Variants in TP63 observed in about 807,000 individuals in gnomAD.
The protein encoded by TP63 is tumor protein p63.
TP63 carries 17 observed loss-of-function variants against 82.8 expected under a neutral mutation model. The observed-to-expected ratio is 0.21, with a 90% CI of 0.14 to 0.31. The LOEUF (loss-of-function observed/expected upper bound fraction) is 0.31, where lower values mean the gene tolerates loss of function less well. TP63 is among the 10% of genes least tolerant of loss of function. TP63 has a pLI of 1.00. For synonymous variants in TP63, 330 were observed against 321.7 expected (o/e 1.03, Z -0.28); for missense variants, 648 against 895.3 (o/e 0.72, Z 3.52).
chr3:189,697,231 C>CA (rs150520212), intron 1 of TP63, among the ~76,000 whole-genome samples: 81,149 of 126,034 alleles, frequency 0.64, 25,550 homozygotes, highest in East Asian at 0.81. Flanking sequence ...TGTCTAGGTT[C>CA]AGTTTTTTTT....
Position 189,784,685 on chromosome 3 carries a change from G to A in TP63, c.325-23587G>A, listed in dbSNP as rs141715924. ...AACTGTAAGATTTACGACAGAACTCGTCTCCCTTTCTATGCCTATGAGACT... is the reference window on the plus strand; with the variant it reads ...AACTGTAAGATTTACGACAGAACTCATCTCCCTTTCTATGCCTATGAGACT... On this transcript the variant is annotated intron_variant, in intron 3 of 13. Transcript: ENST00000264731. 2.2e-4 allele frequency among the ~76,000 whole-genome samples: 33 copies of A among 152,084 alleles called. No individual in the cohort carries two copies. In the East Asian group the frequency reaches 3.3e-3, roughly 15 times the overall value.
chr3:189,600,149 AC>A, the TP63 span, among the ~76,000 whole-genome samples: 1 of 152,142 alleles, frequency 6.6e-6, no homozygotes, highest in African/African-American at 2.4e-5. Context: ...AGCATCACCA[AC>A]CCCCAGAAGA....
At chr3:189,744,002 A>G (rs1260845977) in intron 3 of TP63, among the ~76,000 whole-genome samples, 4 of 152,126 alleles carry the variant, frequency 2.6e-5, no homozygotes, top group African/African-American at 7.2e-5. Flanking sequence ...ACAAACCTCT[A>G]AGTCCTAAGC....
chr3:189,768,203 T>A (rs1177426890), intron 3 of TP63, among the ~76,000 whole-genome samples: 2 of 152,170 alleles, frequency 1.3e-5, no homozygotes, highest in Non-Finnish European at 1.5e-5. Flanking sequence ...TGGTGAAAAC[T>A]AATTGAGATA....
At chr3:189,834,316 C>G (rs933863879) in intron 4 of TP63, among the ~76,000 whole-genome samples, 1 of 152,138 alleles carries the variant, frequency 6.6e-6, no homozygotes, top group Non-Finnish European at 1.5e-5. Flanking sequence ...CTTACTGGCA[C>G]TGACAGTGCT....
chr3:189,620,836 C>T, the TP63 span, among the ~76,000 whole-genome samples: 40 of 152,318 alleles, frequency 2.6e-4, no homozygotes, highest in Middle Eastern at 3.4e-3. Context: ...TCCCACACTC[C>T]GTACCACACA....
At chr3:189,803,703 C>T (rs1726565165) in intron 3 of TP63, among the ~76,000 whole-genome samples, 1 of 152,120 alleles carries the variant, frequency 6.6e-6, no homozygotes, top group Non-Finnish European at 1.5e-5. Flanking sequence ...TTGTGAGGAA[C>T]CTGAATATAT....
chr3:189,828,052 C>T (rs1377186770), intron 4 of TP63, among the ~76,000 whole-genome samples: 4 of 152,050 alleles, frequency 2.6e-5, no homozygotes, highest in Non-Finnish European at 4.4e-5. Context: ...ACCAGCCTGG[C>T]TGATATGATG....
At chr3:189,601,495 C>T in the TP63 span, among the ~76,000 whole-genome samples, 1 of 152,186 alleles carries the variant, frequency 6.6e-6, no homozygotes, top group African/African-American at 2.4e-5. Context: ...GCTTTGGAAA[C>T]CAGAGAGACT....
chr3:189,656,626 T>G (rs1430223050), intron 1 of TP63, among the ~76,000 whole-genome samples: 1 of 152,192 alleles, frequency 6.6e-6, no homozygotes, highest in East Asian at 1.9e-4. Flanking sequence ...AAAAACTCAC[T>G]TTAAATACAA....
At chr3:189,750,633 CA>C (rs897226457) in intron 3 of TP63, among the ~76,000 whole-genome samples, 3 of 151,812 alleles carry the variant, frequency 2.0e-5, no homozygotes, top group African/African-American at 7.3e-5. Flanking sequence ...ATTGAGGATC[CA>C]AAAAGGTAAT....
chr3:189,761,114 T>C (rs532974836), intron 3 of TP63, among the ~76,000 whole-genome samples: 2 of 152,332 alleles, frequency 1.3e-5, no homozygotes, highest in Admixed American at 6.5e-5. Context: ...GGTTGCCACA[T>C]AGGTCTCTGA....
At position 189,875,589 on chromosome 3, in the gene TP63, CAT is replaced by C. The variant is rs779050433; in HGVS notation, c.1349+2596_1349+2597del. Among the ~76,000 whole-genome samples the C allele has an allele frequency of 4.7e-3, 210 of 44,426 alleles. 13 individuals are homozygous for C. The highest frequency in any genetic ancestry group is 6.5e-3 in the Non-Finnish European group (161 of 24,918). The allele number at this position is 44,426 out of a possible 152,430, so 29.1% of individuals were successfully genotyped here. ...TCAAAAAGAAAAAGAAAAAAAAATA[CAT>C]ACATATATATATATATATATATATA... On this transcript the variant is annotated intron_variant, in intron 10 of 13. Coordinates refer to ENST00000264731, the MANE Select transcript of TP63 (RefSeq NM_003722.5).
At chr3:189,803,263 A>T (rs1021924945) in intron 3 of TP63, among the ~76,000 whole-genome samples, 2 of 152,136 alleles carry the variant, frequency 1.3e-5, no homozygotes, top group Non-Finnish European at 2.9e-5. Flanking sequence ...GTGCCATTGC[A>T]CTCCAGCCTG....
Position 189,808,462 on chromosome 3 carries a change from C to T in TP63, c.515C>T (p.Pro172Leu). 6.2e-7 allele frequency: 1 copy of T among 1,614,222 alleles called. No individual in the cohort carries two copies. Among genetic ancestry groups the T allele is most frequent in the Non-Finnish European group, 8.5e-7 (1 of 1,180,050 alleles). ...GCCATCCCCTCCAACACCGACTACCCAGGCCCGCACAGTTTCGACGTGTCC... is the reference window on the plus strand; with the variant it reads ...GCCATCCCCTCCAACACCGACTACCTAGGCCCGCACAGTTTCGACGTGTCC... ...SPAIPSNTDY[P>L]GPHSFDVSFQ... Residue 172 changes from proline (P) to leucine (L), a missense_variant, in exon 4 of 14, where the codon CCA (proline) becomes CTA (leucine). Around this residue, in one of 5 missense-constraint regions of TP63, gnomAD observed 64 missense variants for 144.2 expected, o/e 0.44. Transcript: ENST00000264731.
At chr3:189,870,506 C>T (rs898219954) in intron 9 of TP63, among the ~76,000 whole-genome samples, 1 of 151,928 alleles carries the variant, frequency 6.6e-6, no homozygotes, top group African/African-American at 2.4e-5. Flanking sequence ...ACTTGAGCAA[C>T]CTAGGATTTT....
chr3:189,890,986 G>C, intron 13 of TP63, 104 bp downstream of exon 13: 2 of 1,063,390 alleles, frequency 1.9e-6, no homozygotes, highest in South Asian at 2.7e-5. Flanking sequence ...ATTTGTTTTT[G>C]TCATGCCCCC....
chr3:189,797,325 A>C (rs1195477013), intron 3 of TP63, among the ~76,000 whole-genome samples: 1 of 152,000 alleles, frequency 6.6e-6, no homozygotes, highest in Non-Finnish European at 1.5e-5. Context: ...GTTTAGTATA[A>C]TACCCCTATG....
At chr3:189,743,603 A>G (rs1429392971) in intron 3 of TP63, among the ~76,000 whole-genome samples, 1 of 152,208 alleles carries the variant, frequency 6.6e-6, no homozygotes, top group African/African-American at 2.4e-5. Flanking sequence ...GTAAAATTTT[A>G]TAGCCTTTAA....
Sources: allele counts gnomAD v4.1 joint callset (sites outside exome capture counted in the v4.1 genomes callset), GRCh38; gene constraint gnomAD v4.1.1; regional missense constraint gnomAD v4.1.1; transcripts MANE v1.5; gene names NCBI Gene and HGNC (gene_info 2026-07-23, HGNC 2026-07-21).